ASB6: variants seen among roughly 807,000 people sequenced by gnomAD.
ASB6 encodes the protein ankyrin repeat and SOCS box containing 6, also known as ankyrin repeat and SOCS box protein 6.
ASB6 carries 24 observed loss-of-function variants against 28.6 expected under a neutral mutation model. The ratio of observed to expected loss-of-function variants is 0.84; its 90% confidence interval spans 0.61 to 1.18. ASB6 has a LOEUF of 1.18. ASB6 is among the 50% of genes most tolerant of loss of function. ASB6 has a pLI of 0.00. For missense variants in ASB6, 519 were observed against 559.8 expected (o/e 0.93, Z 0.74); for synonymous variants, 267 against 243.4 (o/e 1.10, Z -0.90).
Position 129,635,127 on chromosome 9 carries a change from G to A in ASB6, c.*2663C>T. On this transcript the variant is annotated 3_prime_UTR_variant, in exon 6 of 6. Transcript: ENST00000277458. ...ATGCTGGGCACAAATGAGGGGCTCA[G>A]CGGGGCTGAGAAGTACATCCCATCC... 6.6e-7 allele frequency: 1 copy of A among 1,513,778 alleles called. No individual in the cohort carries two copies. The highest frequency in any genetic ancestry group is 8.9e-7 in the Non-Finnish European group (1 of 1,123,386). The allele number at this position is 1,513,778 out of a possible 1,614,324, so 93.8% of individuals were successfully genotyped here.
chr9:129,635,395 C>G lies in ASB6; in HGVS notation c.*2395G>C. ...TCATCTGCAGTGCAGGCCTCAGCCT[C>G]CTGGCCGAGGAGAGGCAGGAGAACC... On this transcript the variant is annotated 3_prime_UTR_variant, in exon 6 of 6. Transcript: ENST00000277458. The G allele has an allele frequency of 2.5e-6, 4 of 1,613,584 alleles. No individual in the cohort carries two copies. The highest frequency in any genetic ancestry group is 3.4e-6 in the Non-Finnish European group (4 of 1,179,908).
intron 5 of ASB6, 33 bp from the exon 6 acceptor site, chr9:129,638,490 G>A (rs201546336): frequency 1.2e-6 from 2 of 1,608,226 alleles, no homozygotes; most frequent in East Asian, 2.2e-5. Context: ...GATGCTGGGA[G>A]AAGGCCTTCA....
Position 129,641,909 on chromosome 9 carries a change from C to CG in ASB6, c.90dup (p.Glu31ArgfsTer24). On this transcript the variant is annotated frameshift_variant, in exon 1 of 6. Transcript: ENST00000277458. LOFTEE classifies it high-confidence loss of function. Reference sequence around the variant, plus strand: ...TACCGGTCCAGAGACTCCTGCCGCTCGGGGTCCTGGATCCCCAGGGAGCCC... The same window carrying CG: ...TACCGGTCCAGAGACTCCTGCCGCTCGGGGGTCCTGGATCCCCAGGGAGCCC... 6.3e-7 allele frequency: 1 copy of CG among 1,599,764 alleles called. No individual in the cohort carries two copies. The highest frequency in any genetic ancestry group is 8.5e-7 in the Non-Finnish European group (1 of 1,174,234).
chr9:129,641,550 G>A (rs1160873986), intron 1 of ASB6, among the ~76,000 whole-genome samples: 2 of 152,204 alleles, frequency 1.3e-5, no homozygotes, highest in African/African-American at 4.8e-5. Flanking sequence ...ACTGCTCTGG[G>A]GTAACATCTG....
In ASB6 at chr9:129,638,258, G is replaced by A. The variant is rs1001628494; in HGVS notation, c.798C>T (p.Cys266=). Residue 266 remains cysteine, a synonymous_variant, in exon 6 of 6, where the codon TGC becomes TGT. Coordinates refer to ENST00000277458, the MANE Select transcript of ASB6 (RefSeq NM_017873.4). ...CPAHESLTHI[C]LKSFKLHFPL... Reference sequence around the variant, plus strand: ...GGAAGTGCAGTTTAAAGCTCTTCAGGCAGATGTGGGTGAGGGACTCGTGGG... The same window carrying A: ...GGAAGTGCAGTTTAAAGCTCTTCAGACAGATGTGGGTGAGGGACTCGTGGG... The A allele has an allele frequency of 9.3e-6, 15 of 1,613,476 alleles. No homozygotes were observed. Among genetic ancestry groups the A allele is most frequent in the Non-Finnish European group, 1.3e-5 (15 of 1,180,004 alleles).
Position 129,642,078 on chromosome 9 carries a change from G to T in ASB6, c.-79C>A. The T allele has an allele frequency of 6.9e-7, 1 of 1,445,806 alleles. No homozygotes were observed. The highest frequency in any genetic ancestry group is 2.5e-5 in the Admixed American group (1 of 40,208). 89.6% of individuals were successfully genotyped at this position (1,445,806 alleles called of 1,614,324 possible). On this transcript the variant is annotated 5_prime_UTR_variant, in exon 1 of 6. Coordinates refer to ENST00000277458, the MANE Select transcript of ASB6 (RefSeq NM_017873.4). This position sits in a 1 kb window ranked among gnomAD's most constrained non-coding sequence, Gnocchi z 4.3. Reference sequence around the variant, plus strand: ...CCCAGACGCCGACCGGAACGCTCCGGCGGCCGCGGACCCCACCTGCTCCGC... The same window carrying T: ...CCCAGACGCCGACCGGAACGCTCCGTCGGCCGCGGACCCCACCTGCTCCGC...
At position 129,637,760 on chromosome 9, in the gene ASB6, G is replaced by T; in HGVS notation, c.*30C>A. 1 of 1,491,256 alleles carries T rather than the reference G, an allele frequency of 6.7e-7. No individual in the cohort carries two copies. Among genetic ancestry groups the T allele is most frequent in the Non-Finnish European group, 8.9e-7 (1 of 1,117,426 alleles). The allele number at this position is 1,491,256 out of a possible 1,614,324, so 92.4% of individuals were successfully genotyped here. A position where few individuals can be genotyped will look rare whatever the true frequency, so the allele number is the denominator to read the frequency against. Reference sequence around the variant, plus strand: ...ACCAACAGGCTGACCTGAGCTGCCCGTGTCCCCCGTTCCTGTAGCCTGAGA... The same window carrying T: ...ACCAACAGGCTGACCTGAGCTGCCCTTGTCCCCCGTTCCTGTAGCCTGAGA... On this transcript the variant is annotated 3_prime_UTR_variant, in exon 6 of 6. Coordinates refer to ENST00000277458, the MANE Select transcript of ASB6 (RefSeq NM_017873.4).
chr9:129,635,208 G>T lies in ASB6; in HGVS notation c.*2582C>A. ...GTAACCTTGCCTCTGCCCTCCCCAG[G>T]CCACCTCACCGATCAGCACCTGGCC... On this transcript the variant is annotated 3_prime_UTR_variant, in exon 6 of 6. Coordinates refer to ENST00000277458, the MANE Select transcript of ASB6 (RefSeq NM_017873.4). 1.2e-6 allele frequency: 2 copies of T among 1,606,974 alleles called. No homozygotes were observed. The highest frequency in any genetic ancestry group is 1.7e-6 in the Non-Finnish European group (2 of 1,179,146).
rs749414259 is a variant in ASB6 at position 129,637,514 on chromosome 9, G to A, written c.*276C>T. 8 of 305,126 alleles carry A rather than the reference G, an allele frequency of 2.6e-5. No individual in the cohort carries two copies. The highest frequency in any genetic ancestry group is 5.3e-5 in the East Asian group (1 of 18,806). The allele number at this position is 305,126 out of a possible 1,614,324, so 18.9% of individuals were successfully genotyped here. A position where few individuals can be genotyped will look rare whatever the true frequency, so the allele number is the denominator to read the frequency against. Reference sequence around the variant, plus strand: ...CCTGGCACTGCCCTCCAATTCAGAGGGTATAAACATCAATCCAAGCCCTGT... The same window carrying A: ...CCTGGCACTGCCCTCCAATTCAGAGAGTATAAACATCAATCCAAGCCCTGT... On this transcript the variant is annotated 3_prime_UTR_variant, in exon 6 of 6. Coordinates refer to ENST00000277458, the MANE Select transcript of ASB6 (RefSeq NM_017873.4).
At position 129,641,961 on chromosome 9, in the gene ASB6, C is replaced by CT; in HGVS notation, c.38dup (p.Tyr14ValfsTer41). Reference sequence around the variant, plus strand: ...GAATCGCATCCACCAGCGGCTGGTACTCGAAGATGATCCTCCGGAAGCCGT... The same window carrying CT: ...GAATCGCATCCACCAGCGGCTGGTACTTCGAAGATGATCCTCCGGAAGCCGT... On this transcript the variant is annotated frameshift_variant, in exon 1 of 6. Coordinates refer to ENST00000277458, the MANE Select transcript of ASB6 (RefSeq NM_017873.4). LOFTEE classifies it high-confidence loss of function. The CT allele has an allele frequency of 6.2e-7, 1 of 1,603,436 alleles. No homozygotes were observed. The highest frequency in any genetic ancestry group is 8.5e-7 in the Non-Finnish European group (1 of 1,176,176).
Position 129,635,292 on chromosome 9 carries a change from A to G in ASB6, c.*2498T>C, listed in dbSNP as rs763599813. 12 of 1,613,592 alleles carry G rather than the reference A, an allele frequency of 7.4e-6. No homozygotes were observed. Among genetic ancestry groups the G allele is most frequent in the African/African-American group, 1.3e-5 (1 of 74,934 alleles). ...CCCAACGGCATCATCGTCATCAAAGACAACATGGCCCAGGAGGGCGTGATT... is the reference window on the plus strand; with the variant it reads ...CCCAACGGCATCATCGTCATCAAAGGCAACATGGCCCAGGAGGGCGTGATT... On this transcript the variant is annotated 3_prime_UTR_variant, in exon 6 of 6. Transcript: ENST00000277458.
At position 129,637,799 on chromosome 9, in the gene ASB6, A is replaced by G. The variant is rs1831590896; in HGVS notation, c.1257T>C (p.Asp419=). 1 of 1,511,884 alleles carries G rather than the reference A, an allele frequency of 6.6e-7. No homozygotes were observed. The highest frequency in any genetic ancestry group is 1.3e-5 in the South Asian group (1 of 74,442). The allele number at this position is 1,511,884 out of a possible 1,614,324, so 93.7% of individuals were successfully genotyped here. A position where few individuals can be genotyped will look rare whatever the true frequency, so the allele number is the denominator to read the frequency against. The change falls in exon 6 of 6, where the codon GAT becomes GAC. Residue 419 remains aspartate (D), a synonymous_variant. Coordinates refer to ENST00000277458, the MANE Select transcript of ASB6 (RefSeq NM_017873.4). ...TGTAGCCTGAGACCTATCAGATGTC[A>G]TCTTCCACGGAGCCACTGTGCTCGC... The part of the protein sequence containing the change: ...LLSEHSGSVE[D]DI
chr9:129,638,694 G>A (rs1451161832), intron 4 of ASB6, 35 bp from the exon 5 acceptor site: 6 of 1,579,824 alleles, frequency 3.8e-6, no homozygotes, highest in African/African-American at 1.3e-5. Flanking sequence ...GGAGCAGGAG[G>A]CCAGGAAGCC....
chr9:129,639,535 G>C (rs1289134562), intron 2 of ASB6, 27 bp from the exon 3 acceptor site: 4 of 1,592,768 alleles, frequency 2.5e-6, no homozygotes, highest in Admixed American at 3.4e-5. Flanking sequence ...AGCTCATGTG[G>C]GTCCTATCTG....
intron 4 of ASB6, 93 bp from the exon 5 acceptor site, chr9:129,638,752 G>A: frequency 2.0e-6 from 2 of 1,003,874 alleles, no homozygotes; most frequent in South Asian, 2.7e-5. Context: ...GACACTCAGA[G>A]GATCAGAAGA....
At position 129,640,583 on chromosome 9, in the gene ASB6, C is replaced by A. The variant is rs199926594; in HGVS notation, c.253G>T (p.Ala85Ser). 114 of 1,612,386 alleles carry A rather than the reference C, an allele frequency of 7.1e-5. 1 individual carries two copies. In the Middle Eastern group the frequency reaches 1.1e-3, roughly 15 times the overall value. Residue 85 changes from alanine (A) to serine (S), a missense_variant, in exon 2 of 6, where the codon GCC becomes TCC. By Grantham distance (99) the Ala-to-Ser change is moderately conservative (BLOSUM62 1). Coordinates refer to ENST00000277458, the MANE Select transcript of ASB6 (RefSeq NM_017873.4). The stretch of plus-strand genomic sequence containing the variant: ...GCCCCATGCCGCAAGAGAACGTCGG[C>A]CGCCCGCGTCAGCCCCAGCTCAGCC... ...KMAELGLTRA[A>S]DVLLRHGANL...
rs41278724 is a variant in ASB6 at position 129,639,426 on chromosome 9, C to A, written c.378G>T (p.Gly126=). ...PDMVELLVHH[G]ADVNRRDRIH... is the part of the protein sequence containing the mutation. ...CCCGGTCCCTCCGATTAACGTCGGC[C>A]CCGTGATGCACCAGCAGCTCCACCA... The change falls in exon 3 of 6, where the codon GGG becomes GGT. Residue 126 remains glycine (G), a synonymous_variant. Coordinates refer to ENST00000277458, the MANE Select transcript of ASB6 (RefSeq NM_017873.4). 2.3e-3 allele frequency: 3,722 copies of A among 1,613,486 alleles called. 3 individuals are homozygous for A. Among genetic ancestry groups the A allele is most frequent in the Non-Finnish European group, 2.8e-3 (3,349 of 1,179,560 alleles).
chr9:129,635,405 G>C lies in ASB6; in HGVS notation c.*2385C>G, dbSNP rs1831487879. 20 of 1,613,394 alleles carry C rather than the reference G, an allele frequency of 1.2e-5. No homozygotes were observed. Among genetic ancestry groups the C allele is most frequent in the Non-Finnish European group, 1.5e-5 (18 of 1,180,000 alleles). Reference sequence around the variant, plus strand: ...TGCAGGCCTCAGCCTCCTGGCCGAGGAGAGGCAGGAGAACCTCCCCGATGA... The same window carrying C: ...TGCAGGCCTCAGCCTCCTGGCCGAGCAGAGGCAGGAGAACCTCCCCGATGA... On this transcript the variant is annotated 3_prime_UTR_variant, in exon 6 of 6. Transcript: ENST00000277458.
chr9:129,638,524 A>G (rs370190875), intron 5 of ASB6, 49 bp downstream of exon 5: 235 of 1,611,282 alleles, frequency 1.5e-4, no homozygotes, highest in Middle Eastern at 4.9e-4. Flanking sequence ...AACAGCACAC[A>G]TCGAAGGGGC....
Sources: allele counts gnomAD v4.1 joint callset (sites outside exome capture counted in the v4.1 genomes callset), GRCh38; gene constraint gnomAD v4.1.1; non-coding constraint Gnocchi (gnomAD v3.1); transcripts MANE v1.5; gene names NCBI Gene and HGNC (gene_info 2026-07-23, HGNC 2026-07-21).